NDST3: variants seen among roughly 807,000 people sequenced by gnomAD.
NDST3 encodes N-deacetylase and N-sulfotransferase 3, also known as bifunctional heparan sulfate N-deacetylase/N-sulfotransferase 3.
NDST3 carries 58 observed loss-of-function variants against 96.1 expected under a neutral mutation model. The observed-to-expected ratio is 0.60, with a 90% CI of 0.49 to 0.75. The LOEUF is 0.75. NDST3 is among the 30% of genes least tolerant of loss of function. The probability of loss-of-function intolerance (pLI) is 0.00; values close to 1 mark genes in which losing one functional copy is unlikely to be tolerated. For synonymous variants in NDST3, 333 were observed against 359.7 expected (o/e 0.93, Z 0.84); for missense variants, 788 against 1,034.2 (o/e 0.76, Z 3.27).
rs534588926 is a variant in NDST3 at position 118,074,698 on chromosome 4, C to T, written c.981+19807C>T. ...GGGTCTTGCTTCTTTATCCAACTTG[C>T]CATTCTGTGCCTTTTAATTGGGGAA... On this transcript the variant is annotated intron_variant, in intron 2 of 13. Coordinates refer to ENST00000296499, the MANE Select transcript of NDST3 (RefSeq NM_004784.3). 2.0e-5 allele frequency among the ~76,000 whole-genome samples: 3 copies of T among 152,212 alleles called. No homozygotes were observed. In the South Asian group the frequency reaches 6.2e-4, roughly 32 times the overall value.
intron 6 of NDST3, among the ~76,000 whole-genome samples, chr4:118,201,245 G>C (rs978720733): frequency 1.3e-5 from 2 of 152,204 alleles, no homozygotes; most frequent in Non-Finnish European, 2.9e-5. Flanking sequence ...ACAATGAACA[G>C]AAAAGTGCAT....
chr4:118,082,776 C>A (rs1728124359), intron 2 of NDST3, among the ~76,000 whole-genome samples: 1 of 152,054 alleles, frequency 6.6e-6, no homozygotes, highest in Non-Finnish European at 1.5e-5. Flanking sequence ...CTACCTCAGA[C>A]TGGGTAGTTT....
intron 12 of NDST3, among the ~76,000 whole-genome samples, chr4:118,247,863 T>C (rs1339610675): frequency 6.6e-6 from 1 of 152,238 alleles, no homozygotes; most frequent in East Asian, 1.9e-4. Context: ...GCCTATCCTA[T>C]ATTAGTAATA....
chr4:118,039,500 A>T (rs1162404591), intron 1 of NDST3, among the ~76,000 whole-genome samples: 1 of 152,258 alleles, frequency 6.6e-6, no homozygotes, highest in African/African-American at 2.4e-5. Context: ...CAGGACAAGT[A>T]CTTACAGATG....
Position 118,234,987 on chromosome 4 carries a change from G to A in NDST3, c.1943+1852G>A, listed in dbSNP as rs188810138. Among the ~76,000 whole-genome samples the A allele has an allele frequency of 1.2e-3, 186 of 150,730 alleles. 1 individual carries two copies. Among genetic ancestry groups the A allele is most frequent in the African/African-American group, 4.1e-3 (169 of 40,956 alleles). On this transcript the variant is annotated intron_variant, in intron 9 of 13. Coordinates refer to ENST00000296499, the MANE Select transcript of NDST3 (RefSeq NM_004784.3). The stretch of plus-strand genomic sequence containing the variant: ...AGAGGTTGCAATGAGTCAAGATCGT[G>A]CCATTGTACTCCAGCCTGGGTGACA...
intron 9 of NDST3, 135 bp from the exon 10 acceptor site, chr4:118,236,911 A>G: frequency 1.8e-6 from 1 of 567,222 alleles, no homozygotes; most frequent in South Asian, 4.1e-5. Context: ...CTTCCTAACT[A>G]TGGAGGACAA....
At chr4:118,149,957 T>C (rs1734261393) in intron 6 of NDST3, among the ~76,000 whole-genome samples, 1 of 145,740 alleles carries the variant, frequency 6.9e-6, no homozygotes, top group African/African-American at 2.5e-5. Context: ...TGAGAGTTTT[T>C]AGCATGAAGG....
chr4:118,049,469 G>C (rs1724951889), intron 1 of NDST3, among the ~76,000 whole-genome samples: 1 of 151,604 alleles, frequency 6.6e-6, no homozygotes, highest in African/African-American at 2.4e-5. Context: ...ACGACCGATA[G>C]ACCACTAGCT....
At position 118,255,716 on chromosome 4, in the gene NDST3, T is replaced by A. The variant is rs1742079675; in HGVS notation, c.*4T>A. The A allele has an allele frequency of 6.2e-7, 1 of 1,606,524 alleles. No homozygotes were observed. The highest frequency in any genetic ancestry group is 8.5e-7 in the Non-Finnish European group (1 of 1,176,258). On this transcript the variant is annotated 3_prime_UTR_variant, in exon 14 of 14. Coordinates refer to ENST00000296499, the MANE Select transcript of NDST3 (RefSeq NM_004784.3). ...GGAGCTGCAGAAAGTAAGATAGCAC[T>A]GAGAGAAAACTTGAGACTTCATCGT...
intron 6 of NDST3, among the ~76,000 whole-genome samples, chr4:118,207,963 T>G (rs1346246089): frequency 6.9e-6 from 1 of 144,366 alleles, no homozygotes; most frequent in Non-Finnish European, 1.5e-5. Context: ...TACTATTATG[T>G]GGAAGGGTTA....
chr4:118,066,120 T>TATATATATTATATAATATATTTTATATAA (rs1560617427), intron 2 of NDST3, among the ~76,000 whole-genome samples: 17 of 73,566 alleles, frequency 2.3e-4, no homozygotes, highest in Admixed American at 1.3e-3. Context: ...ATTTTATATA[T>TATATATATTATATAATATATTTTATATAA]TATATATATT....
At chr4:118,081,617 G>A (rs1017487557) in intron 2 of NDST3, among the ~76,000 whole-genome samples, 11 of 152,112 alleles carry the variant, frequency 7.2e-5, no homozygotes, top group African/African-American at 2.7e-4. Context: ...GGCAAAGGCT[G>A]TTATGGGCTC....
chr4:118,135,230 A>C (rs1257341790), intron 4 of NDST3, among the ~76,000 whole-genome samples: 1 of 152,176 alleles, frequency 6.6e-6, no homozygotes, highest in East Asian at 1.9e-4. Context: ...GTGGCTGAGC[A>C]TATTTGGAGG....
intron 2 of NDST3, among the ~76,000 whole-genome samples, chr4:118,074,431 T>C (rs944008104): frequency 2.6e-5 from 4 of 152,228 alleles, no homozygotes; most frequent in African/African-American, 9.6e-5. Flanking sequence ...GGTGCTCTAC[T>C]GTTAGATGCA....
At chr4:118,194,815 G>A (rs971871077) in intron 6 of NDST3, 1 of 366,528 alleles carries the variant, frequency 2.7e-6, no homozygotes, top group African/African-American at 2.1e-5. Context: ...GCCAAAGGCA[G>A]GGGTGCTACC....
chr4:118,049,465 G>A (rs747154912), intron 1 of NDST3, among the ~76,000 whole-genome samples: 6 of 151,446 alleles, frequency 4.0e-5, no homozygotes, highest in Non-Finnish European at 8.8e-5. Context: ...AAACACGACC[G>A]ATAGACCACT....
At chr4:118,143,461 G>C (rs1733710002) in intron 5 of NDST3, 95 bp from the exon 6 acceptor site, 2 of 1,307,966 alleles carry the variant, frequency 1.5e-6, no homozygotes, top group East Asian at 5.0e-5. Context: ...TAATTCACTA[G>C]CTTGTGCATC....
intron 11 of NDST3, 76 bp downstream of exon 11, chr4:118,240,770 T>G (rs1740958141): frequency 7.2e-7 from 1 of 1,398,386 alleles, no homozygotes; most frequent in African/African-American, 1.4e-5. Context: ...TAAGAAAATT[T>G]TCAATTGTTA....
intron 2 of NDST3, among the ~76,000 whole-genome samples, chr4:118,067,205 A>C (rs1455766352): frequency 6.6e-6 from 1 of 151,896 alleles, no homozygotes; most frequent in African/African-American, 2.4e-5. Flanking sequence ...AACATTTAAC[A>C]AAAATTATTT....
Sources: allele counts gnomAD v4.1 joint callset (sites outside exome capture counted in the v4.1 genomes callset), GRCh38; gene constraint gnomAD v4.1.1; transcripts MANE v1.5; gene names NCBI Gene and HGNC (gene_info 2026-07-23, HGNC 2026-07-21).